PCLO: variants seen among roughly 807,000 people sequenced by gnomAD.
PCLO encodes protein piccolo.
PCLO carries 82 observed loss-of-function variants against 427.5 expected under a neutral mutation model. The observed-to-expected ratio is 0.19, with a 90% CI of 0.16 to 0.23. PCLO has a LOEUF of 0.23. PCLO is among the 10% of genes least tolerant of loss of function. The pLI is 1.00. For missense variants in PCLO, 6,239 were observed against 6,115.9 expected, an observed-to-expected ratio of 1.02 and a Z score of -0.67; for synonymous variants, 2,357 against 2,155.4, an observed-to-expected ratio of 1.09 and a Z score of -2.59.
chr7:83,031,049 C>G (rs1028270342), intron 3 of PCLO, among the ~76,000 whole-genome samples: 2 of 152,138 alleles, frequency 1.3e-5, no homozygotes, highest in Non-Finnish European at 2.9e-5. Flanking sequence ...CTGTTTTTAA[C>G]TTACTCTAGG....
At chr7:83,049,731 TA>T (rs1437171798) in intron 3 of PCLO, among the ~76,000 whole-genome samples, 5 of 152,222 alleles carry the variant, frequency 3.3e-5, no homozygotes, top group African/African-American at 1.2e-4. Flanking sequence ...CTCCTTGCTT[TA>T]AACTATAAAC....
chr7:83,057,443 G>A (rs1789428497), intron 3 of PCLO, among the ~76,000 whole-genome samples: 1 of 129,184 alleles, frequency 7.7e-6, no homozygotes, highest in South Asian at 2.7e-4. Flanking sequence ...CTCACTGAAA[G>A]CTCTGCCTCC....
chr7:82,927,030 GTTTCTTTTTTCC>G (rs543059061), intron 6 of PCLO, among the ~76,000 whole-genome samples: 208 of 152,154 alleles, frequency 1.4e-3, no homozygotes, highest in African/African-American at 4.7e-3. Flanking sequence ...AAATATTTAG[GTTTCTTTTTTCC>G]TTTCTTTTTT....
intron 6 of PCLO, among the ~76,000 whole-genome samples, chr7:82,927,211 T>C (rs559156513): frequency 6.6e-6 from 1 of 152,188 alleles, no homozygotes; most frequent in Non-Finnish European, 1.5e-5. Flanking sequence ...TTAGGACCAA[T>C]TGTACACTGC....
At chr7:83,069,483 C>A (rs534706080) in intron 3 of PCLO, among the ~76,000 whole-genome samples, 4 of 152,168 alleles carry the variant, frequency 2.6e-5, no homozygotes, top group Non-Finnish European at 5.9e-5. Flanking sequence ...TTGACAAGTG[C>A]TTTAAAACTT....
intron 7 of PCLO, among the ~76,000 whole-genome samples, chr7:82,910,977 G>T (rs1281150055): frequency 2.6e-5 from 4 of 151,922 alleles, no homozygotes; most frequent in Non-Finnish European, 5.9e-5. Flanking sequence ...AATTTATACT[G>T]ATTTTAATAA....
At chr7:82,914,338 G>A (rs1431701569) in intron 7 of PCLO, 2 of 469,450 alleles carry the variant, frequency 4.3e-6, no homozygotes, top group Non-Finnish European at 7.4e-6. Context: ...TTTTAAAAAT[G>A]AAAGAAACTT....
chr7:82,879,649 A>G (rs995935146), intron 9 of PCLO, among the ~76,000 whole-genome samples, 187 bp from the exon 10 acceptor site: 1 of 152,138 alleles, frequency 6.6e-6, no homozygotes, highest in East Asian at 1.9e-4. Flanking sequence ...ATTTTCTGAG[A>G]TCTTGGTAGA....
At position 82,956,915 on chromosome 7, in the gene PCLO, T is replaced by A. The variant is rs780856017; in HGVS notation, c.4038A>T (p.Ser1346=). The A allele has an allele frequency of 3.7e-6, 6 of 1,602,542 alleles. No homozygotes were observed. The highest frequency in any genetic ancestry group is 5.1e-6 in the Non-Finnish European group (6 of 1,175,248). The change falls in exon 5 of 25, where the codon TCA becomes TCT. Residue 1346 remains serine (S), a synonymous_variant. Transcript: ENST00000333891. ...KEKTEKEDDK[S]DTSSSQQPKS... ...TAGGCTGCTGAGAACTTGAGGTGTC[T>A]GATTTGTCATCTTCCTTTTCCTAAG... is the stretch of plus-strand genomic sequence containing the variant.
At chr7:83,055,156 C>T (rs1015901513) in intron 3 of PCLO, among the ~76,000 whole-genome samples, 73 of 152,100 alleles carry the variant, frequency 4.8e-4, no homozygotes, top group African/African-American at 1.7e-3. Flanking sequence ...CTATTTCCTG[C>T]AATATTGCAA....
chr7:83,146,309 T>C (rs1294565084), intron 2 of PCLO, among the ~76,000 whole-genome samples: 1 of 152,210 alleles, frequency 6.6e-6, no homozygotes, highest in Non-Finnish European at 1.5e-5. Context: ...CCATATTGTT[T>C]GACACCTTAC....
chr7:82,994,822 A>G (rs1489033907), intron 3 of PCLO, among the ~76,000 whole-genome samples: 1 of 151,994 alleles, frequency 6.6e-6, no homozygotes, highest in Non-Finnish European at 1.5e-5. Flanking sequence ...AAAAACGATG[A>G]GAATAAGAAA....
chr7:82,953,045 T>C lies in PCLO; in HGVS notation c.7908A>G (p.Glu2636=). Reference sequence around the variant, plus strand: ...AAGCTCCAGAGATGTAGAAGGTCTGTTCTGAAGAAATTGGAATTTCTACAG... The same window carrying C: ...AAGCTCCAGAGATGTAGAAGGTCTGCTCTGAAGAAATTGGAATTTCTACAG... ...VTAVEIPISS[E]QTFYISGALQ... Residue 2636 remains glutamate (E), a synonymous_variant, in exon 5 of 25, where the codon GAA becomes GAG. Coordinates refer to ENST00000333891, the MANE Select transcript of PCLO (RefSeq NM_033026.6). The C allele has an allele frequency of 6.2e-7, 1 of 1,613,956 alleles. No homozygotes were observed. The highest frequency in any genetic ancestry group is 2.2e-5 in the East Asian group (1 of 44,872).
chr7:83,092,945 T>G (rs1166694141), intron 3 of PCLO, among the ~76,000 whole-genome samples: 1 of 37,840 alleles, frequency 2.6e-5, no homozygotes, highest in Non-Finnish European at 4.6e-5. Flanking sequence ...AGACTCTGTC[T>G]CAAAAAAAAA....
Position 82,953,398 on chromosome 7 carries a change from G to A in PCLO, c.7555C>T (p.Leu2519Phe), listed in dbSNP as rs764951079. 1 of 1,613,692 alleles carries A rather than the reference G, an allele frequency of 6.2e-7. No individual in the cohort carries two copies. The highest frequency in any genetic ancestry group is 1.1e-5 in the South Asian group (1 of 91,066). Residue 2519 changes from leucine to phenylalanine, a missense_variant, in exon 5 of 25, where the codon CTT (leucine) becomes TTT (phenylalanine). Physicochemically the swap from Leu to Phe is conservative, Grantham distance 22. Coordinates refer to ENST00000333891, the MANE Select transcript of PCLO (RefSeq NM_033026.6). ...PIAPKPVIPQ[L>F]PTTTQKPTDI... ...GTTGGTTTTTGTGTAGTTGTTGGAAGCTGAGGAATCACTGGTTTGGGGGCG... is the reference window on the plus strand; with the variant it reads ...GTTGGTTTTTGTGTAGTTGTTGGAAACTGAGGAATCACTGGTTTGGGGGCG...
intron 3 of PCLO, among the ~76,000 whole-genome samples, chr7:83,043,614 G>A (rs1003848177): frequency 1.3e-5 from 2 of 152,134 alleles, no homozygotes; most frequent in East Asian, 1.9e-4. Context: ...CTCAAGTGGC[G>A]TTAGTTTTCT....
At chr7:82,929,997 G>A (rs917844981) in intron 6 of PCLO, among the ~76,000 whole-genome samples, 1 of 152,140 alleles carries the variant, frequency 6.6e-6, no homozygotes, top group African/African-American at 2.4e-5. Context: ...TCAGAGCTTA[G>A]AAAAAGTAAT....
chr7:83,055,849 C>A (rs1037493562), intron 3 of PCLO, among the ~76,000 whole-genome samples: 2 of 151,986 alleles, frequency 1.3e-5, no homozygotes, highest in African/African-American at 2.4e-5. Flanking sequence ...CAGGTCAAAT[C>A]TAAAAATGCT....
At chr7:82,862,531 T>G (rs956475225) in intron 10 of PCLO, among the ~76,000 whole-genome samples, 1 of 105,702 alleles carries the variant, frequency 9.5e-6, no homozygotes, top group Non-Finnish European at 1.8e-5. Flanking sequence ...TTACAACAGC[T>G]AAGAATTGGA....
Sources: gnomAD v4.1 joint callset for allele counts (sites outside exome capture counted in the v4.1 genomes callset) on GRCh38, gnomAD v4.1.1 for gene constraint, MANE v1.5 for transcripts, NCBI Gene and HGNC (gene_info 2026-07-23, HGNC 2026-07-21) for gene names.